The following ABCA10 variants were observed in gnomAD, a reference collection of about 807,000 sequenced individuals.
The protein encoded by ABCA10 is ATP binding cassette subfamily A member 10.
ABCA10 carries 169 observed loss-of-function variants against 187.5 expected under a neutral mutation model. The ratio of observed to expected loss-of-function variants is 0.90; its 90% CI spans 0.80 to 1.02. ABCA10 has a LOEUF of 1.02. Ranked by LOEUF, ABCA10 falls within the 50% of genes least tolerant of loss-of-function variation. The pLI is 0.00. For missense variants in ABCA10, 1,727 were observed against 1,812.4 expected (o/e 0.95, Z 0.86); for synonymous variants, 574 against 601.8 (o/e 0.95, Z 0.68).
chr17:69,160,600 C>T (rs1326803713), intron 27 of ABCA10, among the ~76,000 whole-genome samples: 2 of 151,154 alleles, frequency 1.3e-5, no homozygotes, highest in Non-Finnish European at 1.5e-5. Context: ...AGCAAGACTC[C>T]AGAAAAACAA....
intron 25 of ABCA10, among the ~76,000 whole-genome samples, chr17:69,169,057 C>A (rs576828324): frequency 2.0e-5 from 3 of 152,298 alleles, no homozygotes; most frequent in African/African-American, 7.2e-5. Flanking sequence ...TTTTAATGAG[C>A]AGTTTACCAG....
At chr17:69,210,122 G>T (rs1166830118) in intron 9 of ABCA10, among the ~76,000 whole-genome samples, 1 of 137,866 alleles carries the variant, frequency 7.3e-6, no homozygotes, top group African/African-American at 2.6e-5. Flanking sequence ...TAGTTTTGAG[G>T]GAACAGGTGA....
At chr17:69,165,166 T>A in intron 25 of ABCA10, 83 bp from the exon 26 acceptor site, 1 of 1,143,418 alleles carries the variant, frequency 8.7e-7, no homozygotes, top group African/African-American at 1.6e-5. Flanking sequence ...CCTGTTTTCC[T>A]GGGAGATACT....
chr17:69,223,811 G>T (rs1382535681), intron 3 of ABCA10: 1 of 301,650 alleles, frequency 3.3e-6, no homozygotes, highest in Non-Finnish European at 6.5e-6. Context: ...AGGAGCTGTG[G>T]TTGGAACAGG....
chr17:69,194,559 A>C (rs1435886156), intron 11 of ABCA10, 64 bp from the exon 12 acceptor site: 3 of 1,130,438 alleles, frequency 2.7e-6, no homozygotes, highest in Non-Finnish European at 3.9e-6. Flanking sequence ...GGACCTTAAA[A>C]TTGGAAAAGT....
intron 6 of ABCA10, among the ~76,000 whole-genome samples, chr17:69,217,992 G>A (rs2074718913): frequency 6.6e-6 from 1 of 152,056 alleles, no homozygotes; most frequent in Non-Finnish European, 1.5e-5. Flanking sequence ...ACCCTTGTAT[G>A]GTTTTATATC....
At chr17:69,221,446 G>A (rs2074746627) in intron 5 of ABCA10, among the ~76,000 whole-genome samples, 1 of 152,164 alleles carries the variant, frequency 6.6e-6, no homozygotes, top group South Asian at 2.1e-4. Context: ...ATCCTGAAGA[G>A]AAGAATCTAG....
intron 26 of ABCA10, 103 bp from the exon 27 acceptor site, chr17:69,164,257 G>T: frequency 4.5e-6 from 4 of 882,104 alleles, no homozygotes; most frequent in Non-Finnish European, 6.6e-6. Flanking sequence ...TGGGACAACA[G>T]TAAGTATTCC....
chr17:69,164,138 T>C lies in ABCA10; in HGVS notation c.3299A>G (p.Asn1100Ser). The C allele has an allele frequency of 6.3e-7, 1 of 1,585,650 alleles. No individual in the cohort carries two copies. The highest frequency in any genetic ancestry group is 1.2e-5 in the South Asian group (1 of 85,020). The change falls in exon 27 of 39, where the codon AAC (asparagine) becomes AGC (serine). Residue 1100 changes from asparagine to serine, a missense_variant. Transcript: ENST00000690296. ...MLLIQLDFMR[N>S]LDSLDNRINE... ...TATTCTATTGTCCAGACTGTCCAAG[T>C]TTCTCATAAAGTCGAGCTGAAAAAA...
Position 69,156,930 on chromosome 17 carries a change from G to C in ABCA10, c.3364-7C>G. The C allele has an allele frequency of 6.5e-7, 1 of 1,531,228 alleles. No homozygotes were observed. The highest frequency in any genetic ancestry group is 1.4e-5 in the African/African-American group (1 of 71,360). 94.9% of individuals were successfully genotyped at this position (1,531,228 alleles called of 1,614,324 possible). ...TAACACTCTGAAGGTATGGCTAAAA[G>C]AAAAGAAAAATAATCAGAATTAGCA... is the stretch of plus-strand genomic sequence containing the variant. On this transcript the variant is annotated splice_polypyrimidine_tract_variant and splice_region_variant and intron_variant, in intron 27 of 38. Coordinates refer to ENST00000690296, the MANE Select transcript of ABCA10 (RefSeq NM_001377321.1).
Position 69,174,646 on chromosome 17 carries a change from A to G in ABCA10, c.3009T>C (p.Phe1003=). The part of the protein sequence containing the change: ...FSIHLIYYFI[F]LGFQLSWELM... ...GTTCCCATGAAAGCTGGAATCCCAG[A>G]AATATGAAGTAGTAAATTAAATGTA... The change falls in exon 24 of 39, where the codon TTT becomes TTC. Residue 1003 remains phenylalanine, a synonymous_variant. Transcript: ENST00000690296. The G allele has an allele frequency of 1.2e-6, 2 of 1,608,300 alleles. No homozygotes were observed. Among genetic ancestry groups the G allele is most frequent in the Non-Finnish European group, 1.7e-6 (2 of 1,178,046 alleles).
At chr17:69,203,451 G>A (rs1203256414) in intron 9 of ABCA10, among the ~76,000 whole-genome samples, 5 of 152,036 alleles carry the variant, frequency 3.3e-5, no homozygotes, top group East Asian at 1.9e-4. Flanking sequence ...AGCCAAAGCC[G>A]GAAACCAGTG....
At chr17:69,232,291 T>C (rs144224483), upstream of ABCA10, among the ~76,000 whole-genome samples, 41 of 152,278 alleles carry the variant, frequency 2.7e-4, no homozygotes, top group African/African-American at 9.4e-4. Flanking sequence ...ACCTGTTTTC[T>C]AGTTGTTTTG....
chr17:69,242,096 T>C (rs1450304562), intron 1 of ABCA10, among the ~76,000 whole-genome samples: 1 of 152,226 alleles, frequency 6.6e-6, no homozygotes, highest in East Asian at 1.9e-4. Flanking sequence ...TTGTAAAGCT[T>C]GATGTATAAT....
In ABCA10 at chr17:69,193,006, A is replaced by G. The variant is rs936338280; in HGVS notation, c.1780+104T>C. ...GGAGGCTTGAAATGGGCTTCTGCAA[A>G]TAAACTGCAAACAAGATTTTCTTCT... On this transcript the variant is annotated intron_variant, in intron 15 of 38. Transcript: ENST00000690296. 6 of 1,465,220 alleles carry G rather than the reference A, an allele frequency of 4.1e-6. No individual in the cohort carries two copies. In the African/African-American group the frequency reaches 5.7e-5, roughly 14 times the overall value. The allele number at this position is 1,465,220 out of a possible 1,614,324, so 90.8% of individuals were successfully genotyped here.
intron 22 of ABCA10, among the ~76,000 whole-genome samples, chr17:69,179,934 C>T (rs1050761681): frequency 3.3e-5 from 5 of 152,042 alleles, no homozygotes; most frequent in South Asian, 2.1e-4. Context: ...CTGAAAAATC[C>T]GAAAGCCCTT....
Position 69,222,710 on chromosome 17 carries a change from A to G in ABCA10, c.35-13T>C. 1 of 1,547,214 alleles carries G rather than the reference A, an allele frequency of 6.5e-7. No individual in the cohort carries two copies. The highest frequency in any genetic ancestry group is 8.6e-7 in the Non-Finnish European group (1 of 1,158,276). On this transcript the variant is annotated splice_polypyrimidine_tract_variant and intron_variant, in intron 3 of 38. Coordinates refer to ENST00000690296, the MANE Select transcript of ABCA10 (RefSeq NM_001377321.1). ...ATGACTGTTCTTCCTACCATGTATG[A>G]AAAACATAAATAAATAATCATGTAA...
upstream of ABCA10, among the ~76,000 whole-genome samples, chr17:69,232,248 T>C (rs149553373): frequency 5.7e-4 from 87 of 152,272 alleles, 1 homozygote; most frequent in East Asian, 0.014. Context: ...AGTTAATTAT[T>C]GATAGATGAG....
chr17:69,155,791 T>A lies in ABCA10; in HGVS notation c.3576+14A>T. 1 of 1,613,018 alleles carries A rather than the reference T, an allele frequency of 6.2e-7. No homozygotes were observed. The highest frequency in any genetic ancestry group is 1.7e-5 in the Admixed American group (1 of 59,942). On this transcript the variant is annotated intron_variant, in intron 29 of 38. Coordinates refer to ENST00000690296, the MANE Select transcript of ABCA10 (RefSeq NM_001377321.1). The stretch of plus-strand genomic sequence containing the variant: ...TCTGAGCATTTTATTAAGGGTCTAA[T>A]CCCTGCTGTTCACCTCCTCCAAGTT...
Sources: gnomAD v4.1 joint callset for allele counts (sites outside exome capture counted in the v4.1 genomes callset) on GRCh38, gnomAD v4.1.1 for gene constraint, MANE v1.5 for transcripts, NCBI Gene and HGNC (gene_info 2026-07-23, HGNC 2026-07-21) for gene names.